AHSP: variants seen among roughly 807,000 people sequenced by gnomAD.
AHSP encodes alpha hemoglobin stabilizing protein, also known as alpha-hemoglobin-stabilizing protein.
A neutral mutation model predicts 2.7 loss-of-function variants in AHSP; 5 were observed. The ratio of observed to expected loss-of-function variants is 1.86; its 90% CI spans 0.97 to 3.92. The LOEUF (loss-of-function observed/expected upper bound fraction) is 3.92, where lower values mean the gene tolerates loss of function less well. Among genes scored for constraint, AHSP ranks in the 30% most tolerant of loss-of-function variants. AHSP has a pLI of 0.00. For missense variants in AHSP, 134 were observed against 119.8 expected (o/e 1.12, Z -0.55); for synonymous variants, 50 against 48.4 (o/e 1.03, Z -0.14).
rs1166309719 is a variant in AHSP, at chr16:31,528,482, G to T, written c.100G>T (p.Glu34Ter). 6.2e-7 allele frequency: 1 copy of T among 1,614,152 alleles called. No individual in the cohort carries two copies. The highest frequency in any genetic ancestry group is 1.3e-5 in the African/African-American group (1 of 75,034). The change falls in exon 3 of 3, where the codon GAA (glutamate) becomes TAA (stop). Residue 34 changes from glutamate (E) to a stop codon, truncating the protein, a stop_gained. Coordinates refer to ENST00000302312, the MANE Select transcript of AHSP (RefSeq NM_016633.4). LOFTEE classifies it low-confidence loss of function (END_TRUNC). The stretch of plus-strand genomic sequence containing the variant: ...GGTCTTCAATGATCCTCTCGTCTCT[G>T]AAGAAGACATGGTGACTGTGGTGGA... Reference protein sequence around the residue: ...QQVFNDPLVSEEDMVTVVEDW... With the variant: ...QQVFNDPLVS
Position 31,528,649 on chromosome 16 carries a change from G to A in AHSP, c.267G>A (p.Leu89=). 2 of 1,613,892 alleles carry A rather than the reference G, an allele frequency of 1.2e-6. No homozygotes were observed. The highest frequency in any genetic ancestry group is 1.7e-6 in the Non-Finnish European group (2 of 1,180,018). ...NPFLAKYRDF[L]KSHELPSHPP... Reference sequence around the variant, plus strand: ...TCCTGGCCAAGTACAGGGACTTCCTGAAGTCTCATGAGCTCCCGAGTCACC... The same window carrying A: ...TCCTGGCCAAGTACAGGGACTTCCTAAAGTCTCATGAGCTCCCGAGTCACC... The change falls in exon 3 of 3, where the codon CTG becomes CTA. Residue 89 remains leucine, a synonymous_variant. Transcript: ENST00000302312.
Position 31,528,762 on chromosome 16 carries a change from T to C in AHSP, c.*71T>C. 1.5e-6 allele frequency: 2 copies of C among 1,339,700 alleles called. No homozygotes were observed. The highest frequency in any genetic ancestry group is 1.2e-5 in the South Asian group (1 of 80,508). The allele number at this position is 1,339,700 out of a possible 1,614,324, so 83.0% of individuals were successfully genotyped here. A position where few individuals can be genotyped will look rare whatever the true frequency, so the allele number is the denominator to read the frequency against. On this transcript the variant is annotated 3_prime_UTR_variant, in exon 3 of 3. Coordinates refer to ENST00000302312, the MANE Select transcript of AHSP (RefSeq NM_016633.4). ...TCCTTAGGCTGTGCTCCTGCCACTC[T>C]ACCCTGACACCTCAATAAAGACCAG...
At position 31,528,710 on chromosome 16, in the gene AHSP, C is replaced by G. The variant is rs1410737057; in HGVS notation, c.*19C>G. 3.8e-6 allele frequency: 6 copies of G among 1,599,892 alleles called. No individual in the cohort carries two copies. In the East Asian group the frequency reaches 9.0e-5, roughly 24 times the overall value. The stretch of plus-strand genomic sequence containing the variant: ...CTCCTAGCTCAGGGACCCAGCCCCT[C>G]CTCTCTGAGAAACTCTGACCTTCAT... On this transcript the variant is annotated 3_prime_UTR_variant, in exon 3 of 3. Coordinates refer to ENST00000302312, the MANE Select transcript of AHSP (RefSeq NM_016633.4).
chr16:31,528,693 TC>T lies in AHSP; in HGVS notation c.*3del. 6.2e-7 allele frequency: 1 copy of T among 1,610,882 alleles called. No individual in the cohort carries two copies. Among genetic ancestry groups the T allele is most frequent in the South Asian group, 1.1e-5 (1 of 90,734 alleles). On this transcript the variant is annotated 3_prime_UTR_variant, in exon 3 of 3. Transcript: ENST00000302312. ...AGTCACCCACCGCCCTCCTCCTAGC[TC>T]AGGGACCCAGCCCCTCCTCTCTGAG...
chr16:31,528,712 T>C lies in AHSP; in HGVS notation c.*21T>C. On this transcript the variant is annotated 3_prime_UTR_variant, in exon 3 of 3. Transcript: ENST00000302312. ...CCTAGCTCAGGGACCCAGCCCCTCC[T>C]CTCTGAGAAACTCTGACCTTCATGT... 1 of 1,599,392 alleles carries C rather than the reference T, an allele frequency of 6.3e-7. No individual in the cohort carries two copies. The highest frequency in any genetic ancestry group is 8.5e-7 in the Non-Finnish European group (1 of 1,173,404).
At chr16:31,527,997 C>A in intron 1 of AHSP, 35 bp downstream of exon 1, 1 of 741,078 alleles carries the variant, frequency 1.3e-6, no homozygotes, top group East Asian at 2.6e-5. Flanking sequence ...GACCTCAGAG[C>A]AGGGCAGGAT....
Position 31,528,098 on chromosome 16 carries a change from G to A in AHSP, c.-4-38G>A, listed in dbSNP as rs201750353. 3.2e-3 allele frequency: 4,825 copies of A among 1,520,298 alleles called. 33 individuals carry two copies. Among genetic ancestry groups the A allele is most frequent in the Middle Eastern group, 0.026 (154 of 5,892 alleles). The allele number at this position is 1,520,298 out of a possible 1,614,324, so 94.2% of individuals were successfully genotyped here. A position where few individuals can be genotyped will look rare whatever the true frequency, so the allele number is the denominator to read the frequency against. On this transcript the variant is annotated intron_variant, in intron 1 of 2. Coordinates refer to ENST00000302312, the MANE Select transcript of AHSP (RefSeq NM_016633.4). ...TTGGGGGAAATACCCAGTGAGGAGG[G>A]AAACAGATATGTAAATTCTACCCTT...
In AHSP at chr16:31,528,680, CCCT is replaced by C. The variant is rs1567406503; in HGVS notation, c.305_307del (p.Ser102del). 20 of 1,612,502 alleles carry C rather than the reference CCCT, an allele frequency of 1.2e-5. No individual in the cohort carries two copies. The highest frequency in any genetic ancestry group is 1.7e-5 in the Non-Finnish European group (20 of 1,179,924). On this transcript the variant is annotated inframe_deletion, in exon 3 of 3. Coordinates refer to ENST00000302312, the MANE Select transcript of AHSP (RefSeq NM_016633.4). Reference sequence around the variant, plus strand: ...TCATGAGCTCCCGAGTCACCCACCGCCCTCCTCCTAGCTCAGGGACCCAGCCCC... The same window carrying C: ...TCATGAGCTCCCGAGTCACCCACCGCCCTCCTAGCTCAGGGACCCAGCCCC...
chr16:31,528,679 G>T lies in AHSP; in HGVS notation c.297G>T (p.Pro99=). Residue 99 remains proline (P), a synonymous_variant, in exon 3 of 3, where the codon CCG becomes CCT. Transcript: ENST00000302312. ...LKSHELPSHP[P]PSS ...CTCATGAGCTCCCGAGTCACCCACC[G>T]CCCTCCTCCTAGCTCAGGGACCCAG... The T allele has an allele frequency of 6.2e-7, 1 of 1,612,444 alleles. No individual in the cohort carries two copies. The highest frequency in any genetic ancestry group is 2.2e-5 in the East Asian group (1 of 44,832).
intron 2 of AHSP, 104 bp from the exon 3 acceptor site, chr16:31,528,353 AG>A: frequency 7.7e-7 from 1 of 1,306,598 alleles, no homozygotes; most frequent in Non-Finnish European, 1.1e-6. Context: ...TACAATGCAG[AG>A]GAAAGAGAAT....
At position 31,528,780 on chromosome 16, in the gene AHSP, A is replaced by C; in HGVS notation, c.*89A>C. The C allele has an allele frequency of 2.5e-6, 3 of 1,201,400 alleles. No individual in the cohort carries two copies. The highest frequency in any genetic ancestry group is 3.6e-6 in the Non-Finnish European group (3 of 839,058). The allele number at this position is 1,201,400 out of a possible 1,614,324, so 74.4% of individuals were successfully genotyped here. On this transcript the variant is annotated 3_prime_UTR_variant, in exon 3 of 3. Transcript: ENST00000302312. ...GCCACTCTACCCTGACACCTCAATA[A>C]AGACCAGTGCTGGTTTTGTTGGACT...
chr16:31,528,364 T>A, intron 2 of AHSP, 94 bp from the exon 3 acceptor site: 2 of 1,328,442 alleles, frequency 1.5e-6, no homozygotes, highest in East Asian at 2.3e-5. Context: ...GGAAAGAGAA[T>A]GTGAGAGTTG....
rs1011092312 is a variant in AHSP at position 31,528,620 on chromosome 16, C to G, written c.238C>G (p.Pro80Ala). ...LRQELNTLANPFLAKYRDFLK... is the reference protein window; with the variant it reads ...LRQELNTLANAFLAKYRDFLK... Reference sequence around the variant, plus strand: ...GCAAGAGCTGAACACTCTGGCCAACCCTTTCCTGGCCAAGTACAGGGACTT... The same window carrying G: ...GCAAGAGCTGAACACTCTGGCCAACGCTTTCCTGGCCAAGTACAGGGACTT... The change falls in exon 3 of 3, where the codon CCT (proline) becomes GCT (alanine). Residue 80 changes from proline to alanine, a missense_variant. Pro to Ala is a conservative substitution (Grantham distance 27, BLOSUM62 -1). Transcript: ENST00000302312. The G allele has an allele frequency of 7.4e-6, 12 of 1,613,966 alleles. No homozygotes were observed. In the Admixed American group the frequency reaches 1.8e-4, roughly 25 times the overall value.
intron 2 of AHSP, 57 bp from the exon 3 acceptor site, chr16:31,528,401 C>T (rs2082741598): frequency 8.1e-6 from 12 of 1,489,086 alleles, no homozygotes; most frequent in Middle Eastern, 1.7e-4. Context: ...CTAGTATTCC[C>T]GAATCCCATT....
In AHSP at chr16:31,528,519, A is replaced by C; in HGVS notation, c.137A>C (p.Asn46Thr). The C allele has an allele frequency of 6.2e-7, 1 of 1,614,104 alleles. No individual in the cohort carries two copies. Among genetic ancestry groups the C allele is most frequent in the Non-Finnish European group, 8.5e-7 (1 of 1,180,002 alleles). ...DMVTVVEDWM[N>T]FYINYYRQQV... Reference sequence around the variant, plus strand: ...GTGACTGTGGTGGAGGACTGGATGAACTTCTACATCAACTATTACAGGCAG... The same window carrying C: ...GTGACTGTGGTGGAGGACTGGATGACCTTCTACATCAACTATTACAGGCAG... The change falls in exon 3 of 3, where the codon AAC becomes ACC. Residue 46 changes from asparagine to threonine, a missense_variant. Physicochemically the swap from Asn to Thr is moderately conservative, Grantham distance 65 (BLOSUM62 0). Transcript: ENST00000302312.
At chr16:31,528,256 T>C (rs748702424) in intron 2 of AHSP, 42 bp downstream of exon 2, 8 of 1,577,672 alleles carry the variant, frequency 5.1e-6, no homozygotes, top group Non-Finnish European at 7.0e-6. Context: ...GCCTGGAGAC[T>C]GGGGGGTGCC....
At position 31,527,968 on chromosome 16, in the gene AHSP, C is replaced by A; in HGVS notation, c.-5+6C>A. ...ACAGCCTGTTAGACCTGAAGGTGAGCCCAACCTGGGAAAATCGTGACCTCA... is the reference window on the plus strand; with the variant it reads ...ACAGCCTGTTAGACCTGAAGGTGAGACCAACCTGGGAAAATCGTGACCTCA... On this transcript the variant is annotated splice_donor_region_variant and intron_variant, in intron 1 of 2. Transcript: ENST00000302312. The A allele has an allele frequency of 1.5e-6, 1 of 677,296 alleles. No individual in the cohort carries two copies. The highest frequency in any genetic ancestry group is 2.7e-6 in the Non-Finnish European group (1 of 372,570). 42.0% of individuals were successfully genotyped at this position (677,296 alleles called of 1,614,324 possible). A position where few individuals can be genotyped will look rare whatever the true frequency, so the allele number is the denominator to read the frequency against.
intron 2 of AHSP, 90 bp downstream of exon 2, chr16:31,528,304 G>A (rs1036428881): frequency 5.1e-6 from 7 of 1,382,924 alleles, no homozygotes; most frequent in Non-Finnish European, 6.2e-6. Context: ...AGCTGGTGAA[G>A]TAATGGTGGA....
intron 2 of AHSP, 96 bp downstream of exon 2, chr16:31,528,310 G>A (rs2082741046): frequency 2.2e-6 from 3 of 1,368,674 alleles, no homozygotes; most frequent in Admixed American, 1.7e-5. Context: ...TGAAGTAATG[G>A]TGGAGTTGAT....
Sources: allele counts gnomAD v4.1 joint callset, GRCh38; gene constraint gnomAD v4.1.1; transcripts MANE v1.5; gene names NCBI Gene and HGNC (gene_info 2026-07-23, HGNC 2026-07-21).